NUP35: variants seen among roughly 807,000 people sequenced by gnomAD.
NUP35 encodes the protein nucleoporin 35.
A neutral mutation model predicts 41.5 loss-of-function variants in NUP35; 25 were observed. That is an observed-to-expected ratio of 0.60 (90% CI 0.44 to 0.84). NUP35 has a LOEUF of 0.84. Ranked by LOEUF, NUP35 falls within the 40% of genes least tolerant of loss-of-function variation. NUP35 has a pLI of 0.00. For missense variants in NUP35, 396 were observed against 396.6 expected, an observed-to-expected ratio of 1.00 and a Z score of 0.01; for synonymous variants, 149 against 130.7, an observed-to-expected ratio of 1.14 and a Z score of -0.96.
At chr2:183,142,448 T>G (rs1361156961) in intron 4 of NUP35, among the ~76,000 whole-genome samples, 3 of 150,906 alleles carry the variant, frequency 2.0e-5, no homozygotes, top group African/African-American at 7.3e-5. Context: ...AAATTTTGTG[T>G]GTTTTCTTTT....
At chr2:183,130,194 C>T (rs1684646764) in intron 2 of NUP35, among the ~76,000 whole-genome samples, 1 of 152,152 alleles carries the variant, frequency 6.6e-6, no homozygotes, top group South Asian at 2.1e-4. Flanking sequence ...GCAGCATTGG[C>T]ATTACCTGGG....
intron 2 of NUP35, among the ~76,000 whole-genome samples, chr2:183,129,260 A>G (rs1684609203): frequency 6.6e-6 from 1 of 152,234 alleles, no homozygotes. Flanking sequence ...TGTCAGGGCA[A>G]AGTATTGTAA....
chr2:183,134,873 C>G (rs1046502467), intron 4 of NUP35, among the ~76,000 whole-genome samples: 2 of 151,938 alleles, frequency 1.3e-5, no homozygotes, highest in African/African-American at 4.8e-5. Context: ...ATCTACCCAC[C>G]TCGGCCTCCC....
At chr2:183,121,414 G>T (rs1406816887), upstream of NUP35, among the ~76,000 whole-genome samples, 1 of 152,052 alleles carries the variant, frequency 6.6e-6, no homozygotes, top group Admixed American at 6.6e-5. Context: ...GCCTAGGGAG[G>T]GTTTCAATTC....
At chr2:183,150,784 A>G (rs1559153508) in intron 4 of NUP35, among the ~76,000 whole-genome samples, 1 of 152,198 alleles carries the variant, frequency 6.6e-6, no homozygotes, top group South Asian at 2.1e-4. Context: ...TTAAGTGCTG[A>G]TAAAATATGT....
intron 3 of NUP35, among the ~76,000 whole-genome samples, chr2:183,132,345 G>A (rs930039545): frequency 8.6e-5 from 13 of 151,912 alleles, no homozygotes; most frequent in Non-Finnish European, 1.6e-4. Flanking sequence ...TTGAACCCAT[G>A]AGTTTGAGAT....
At chr2:183,158,447 C>A in intron 7 of NUP35, 36 bp downstream of exon 7, 2 of 1,539,146 alleles carry the variant, frequency 1.3e-6, no homozygotes, top group South Asian at 1.3e-5. Context: ...GTAGCTTAAT[C>A]TATATGAAGA....
chr2:183,139,818 A>C (rs78917054), intron 4 of NUP35, among the ~76,000 whole-genome samples: 1 of 152,192 alleles, frequency 6.6e-6, no homozygotes, highest in African/African-American at 2.4e-5. Flanking sequence ...CTTGCCAACA[A>C]CATAATTTTG....
intron 4 of NUP35, among the ~76,000 whole-genome samples, chr2:183,135,000 A>G (rs903605451): frequency 8.6e-5 from 13 of 152,012 alleles, no homozygotes; most frequent in African/African-American, 2.7e-4. Context: ...CCCTTCCTCC[A>G]TCTTCACAGT....
At chr2:183,151,412 C>T in intron 4 of NUP35, 96 bp from the exon 5 acceptor site, 1 of 1,204,756 alleles carries the variant, frequency 8.3e-7, no homozygotes. Flanking sequence ...TAATTGCCAA[C>T]TTTATTAGAC....
intron 4 of NUP35, among the ~76,000 whole-genome samples, chr2:183,137,356 A>G (rs895070154): frequency 1.1e-4 from 16 of 152,162 alleles, no homozygotes; most frequent in African/African-American, 3.9e-4. Flanking sequence ...AGGCAGGTGG[A>G]TCACTTGAGT....
At chr2:183,137,090 C>CA (rs1041659198) in intron 4 of NUP35, among the ~76,000 whole-genome samples, 9 of 150,870 alleles carry the variant, frequency 6.0e-5, no homozygotes, top group Admixed American at 2.0e-4. Flanking sequence ...ACTTTGTCTC[C>CA]AAAAAAAAGA....
intron 5 of NUP35, 50 bp from the exon 6 acceptor site, chr2:183,157,394 C>T (rs1474377744): frequency 3.1e-6 from 4 of 1,300,634 alleles, no homozygotes; most frequent in Non-Finnish European, 3.4e-6. Context: ...AATTTGCATT[C>T]ACATTGATAG....
chr2:183,140,467 T>C (rs764863102), intron 4 of NUP35, among the ~76,000 whole-genome samples: 1 of 152,250 alleles, frequency 6.6e-6, no homozygotes, highest in African/African-American at 2.4e-5. Context: ...TTAACTATGC[T>C]ACCATTGAGT....
chr2:183,151,433 A>G (rs969509443), intron 4 of NUP35, 75 bp from the exon 5 acceptor site: 1 of 1,428,722 alleles, frequency 7.0e-7, no homozygotes, highest in Admixed American at 2.0e-5. Context: ...TTTATCATTT[A>G]AAACTAAGAT....
chr2:183,138,269 A>ATATATTTTTTTTTTTTT, intron 4 of NUP35, among the ~76,000 whole-genome samples: 1 of 80,698 alleles, frequency 1.2e-5, no homozygotes, highest in East Asian at 3.5e-4. Flanking sequence ...ATATATATAT[A>ATATATTTTTTTTTTTTT]TTTTTTTTTT....
chr2:183,139,014 A>AGAAAAAT (rs1684990756), intron 4 of NUP35, among the ~76,000 whole-genome samples: 1 of 151,642 alleles, frequency 6.6e-6, no homozygotes, highest in Non-Finnish European at 1.5e-5. Flanking sequence ...CTGATTATGA[A>AGAAAAAT]CTCCTTCAAG....
At chr2:183,145,324 A>T (rs1366320923) in intron 4 of NUP35, among the ~76,000 whole-genome samples, 1 of 152,214 alleles carries the variant, frequency 6.6e-6, no homozygotes, top group Non-Finnish European at 1.5e-5. Context: ...AGAGTTTCAG[A>T]TTTTGGAATA....
chr2:183,138,269 A>ATATATATATATATATTT, intron 4 of NUP35, among the ~76,000 whole-genome samples: 46 of 80,650 alleles, frequency 5.7e-4, no homozygotes, highest in African/African-American at 2.7e-3. Flanking sequence ...ATATATATAT[A>ATATATATATATATATTT]TTTTTTTTTT....
Sources: gnomAD v4.1 joint callset for allele counts (sites outside exome capture counted in the v4.1 genomes callset) on GRCh38, gnomAD v4.1.1 for gene constraint, MANE v1.5 for transcripts, NCBI Gene and HGNC (gene_info 2026-07-23, HGNC 2026-07-21) for gene names.